Variants in KDM5B observed in about 807,000 individuals in gnomAD.
The protein encoded by KDM5B is lysine-specific demethylase 5B.
A neutral mutation model predicts 193.4 loss-of-function variants in KDM5B; 144 were observed. That is an observed-to-expected ratio of 0.74 (90% CI 0.65 to 0.86). The LOEUF (loss-of-function observed/expected upper bound fraction) is 0.86. Among genes scored for constraint, KDM5B ranks in the 40% least tolerant of loss-of-function variants. The pLI is 0.00. For synonymous variants in KDM5B, 668 were observed against 682.6 expected (o/e 0.98, Z 0.33); for missense variants, 1,833 against 1,886.9 (o/e 0.97, Z 0.53).
chr1:202,740,869 T>C, intron 19 of KDM5B, 57 bp from the exon 20 acceptor site: 1 of 1,521,284 alleles, frequency 6.6e-7, no homozygotes. Context: ...ATTTTTCTTA[T>C]GGTTACCAAA....
At chr1:202,794,303 G>T (rs1290848014) in intron 1 of KDM5B, among the ~76,000 whole-genome samples, 1 of 152,206 alleles carries the variant, frequency 6.6e-6, no homozygotes, top group Non-Finnish European at 1.5e-5. Flanking sequence ...GGGCTTGATA[G>T]GGATTTGTTC....
intron 9 of KDM5B, among the ~76,000 whole-genome samples, chr1:202,757,990 T>G (rs979575140): frequency 6.6e-6 from 1 of 152,166 alleles, no homozygotes; most frequent in Admixed American, 6.5e-5. Context: ...ATCCTGAAAT[T>G]TATAATACTA....
intron 14 of KDM5B, among the ~76,000 whole-genome samples, chr1:202,747,457 T>C (rs1027999162): frequency 6.6e-6 from 1 of 152,020 alleles, no homozygotes; most frequent in Non-Finnish European, 1.5e-5. Flanking sequence ...TGGGCACTAT[T>C]TTCCCCCAAC....
chr1:202,758,711 T>G (rs1479748141), intron 8 of KDM5B, among the ~76,000 whole-genome samples: 1 of 152,226 alleles, frequency 6.6e-6, no homozygotes, highest in Non-Finnish European at 1.5e-5. Flanking sequence ...TATTTGCTAA[T>G]GAGCAAATAA....
At chr1:202,768,819 G>C (rs2363763) in intron 4 of KDM5B, among the ~76,000 whole-genome samples, 1 of 149,102 alleles carries the variant, frequency 6.7e-6, no homozygotes, top group Admixed American at 6.7e-5. Flanking sequence ...CCAGGTTCAA[G>C]CAATTCTCCT....
intron 3 of KDM5B, among the ~76,000 whole-genome samples, chr1:202,773,978 C>A (rs953049278): frequency 6.6e-6 from 1 of 152,036 alleles, no homozygotes; most frequent in African/African-American, 2.4e-5. Flanking sequence ...CTCAGGTGAT[C>A]CACCCACCTC....
Position 202,728,972 on chromosome 1 carries a change from G to GA in KDM5B, c.*63dup. ...CAGTCCTGTAGCTTTGCTGAGATTT[G>GA]AAGAAATCCTCTTGGTTGGAGTCCT... On this transcript the variant is annotated 3_prime_UTR_variant, in exon 27 of 27. Transcript: ENST00000367265. The GA allele has an allele frequency of 2.5e-6, 4 of 1,601,200 alleles. No homozygotes were observed. The South Asian group carries it at 3.3e-5, about 13-fold the overall frequency.
chr1:202,739,868 C>T (rs1460633558), intron 20 of KDM5B, among the ~76,000 whole-genome samples: 1 of 152,226 alleles, frequency 6.6e-6, no homozygotes, highest in African/African-American at 2.4e-5. Flanking sequence ...TCTCCCATGT[C>T]TACTTCTTTC....
At chr1:202,779,078 A>C (rs1657087381) in intron 1 of KDM5B, among the ~76,000 whole-genome samples, 1 of 152,206 alleles carries the variant, frequency 6.6e-6, no homozygotes, top group African/African-American at 2.4e-5. Context: ...GGTTATAGGT[A>C]ATTTTACATC....
At chr1:202,733,362 G>T (rs1243084965) in intron 23 of KDM5B, 39 bp downstream of exon 23, 1 of 1,594,350 alleles carries the variant, frequency 6.3e-7, no homozygotes. Flanking sequence ...ACAGAGCTTT[G>T]CAAATTCCAA....
chr1:202,738,781 T>G (rs905202663), intron 20 of KDM5B, among the ~76,000 whole-genome samples: 2 of 152,198 alleles, frequency 1.3e-5, no homozygotes, highest in Non-Finnish European at 2.9e-5. Flanking sequence ...CGTTTCAAAT[T>G]AAGTCATTCA....
chr1:202,741,489 G>A lies in KDM5B; in HGVS notation c.2823C>T (p.Leu941=). 6.2e-7 allele frequency: 1 copy of A among 1,614,234 alleles called. No homozygotes were observed. The highest frequency in any genetic ancestry group is 8.5e-7 in the Non-Finnish European group (1 of 1,180,036). ...SSLTLDDMRR[L]IDLGVGLAPY... is the part of the protein sequence containing the mutation. ...GGGCCAGCCCTACCCCTAGGTCTAT[G>A]AGACGTCTCATATCATCTAAAGTAA... is the stretch of plus-strand genomic sequence containing the variant. The change falls in exon 19 of 27, where the codon CTC becomes CTT. Residue 941 remains leucine (L), a synonymous_variant. Transcript: ENST00000367265.
At chr1:202,745,591 A>T (rs76688018) in intron 16 of KDM5B, among the ~76,000 whole-genome samples, 2,419 of 152,308 alleles carry the variant, frequency 0.016, 44 homozygotes, top group Non-Finnish European at 0.021. Context: ...AGACAAAAAT[A>T]AAGGTTTCCT....
chr1:202,804,846 C>G (rs376868446), intron 1 of KDM5B, among the ~76,000 whole-genome samples: 19 of 95,502 alleles, frequency 2.0e-4, no homozygotes, highest in African/African-American at 7.0e-4. Context: ...GCCTGGGCAA[C>G]AAGAGCAAAA....
rs759512772 is a variant in KDM5B at position 202,766,937 on chromosome 1, T to C, written c.700A>G (p.Met234Val). The C allele has an allele frequency of 1.1e-5, 18 of 1,580,098 alleles. No homozygotes were observed. Among genetic ancestry groups the C allele is most frequent in the East Asian group, 2.2e-5 (1 of 44,760 alleles). ...CATGAGGCTCTTACCTCTGCTCTCATGCGTTTTGCTCGTCGGGCTGGGGGG... is the reference window on the plus strand; with the variant it reads ...CATGAGGCTCTTACCTCTGCTCTCACGCGTTTTGCTCGTCGGGCTGGGGGG... ...TCPPARRAKR[M>V]RAEAMNIKIE... The change falls in exon 5 of 27, where the codon ATG becomes GTG. Residue 234 changes from methionine to valine, a missense_variant. Met to Val is a conservative substitution (Grantham distance 21). Around this residue, in one of 3 missense-constraint regions of KDM5B, gnomAD observed 355 missense variants for 374.9 expected, o/e 0.95. Transcript: ENST00000367265.
At chr1:202,786,889 T>C (rs919476361) in intron 1 of KDM5B, among the ~76,000 whole-genome samples, 9 of 152,064 alleles carry the variant, frequency 5.9e-5, no homozygotes, top group African/African-American at 2.2e-4. Flanking sequence ...TTTATAAATA[T>C]ACAAAAAGCT....
At chr1:202,785,090 A>G (rs1657351975) in intron 1 of KDM5B, among the ~76,000 whole-genome samples, 1 of 151,986 alleles carries the variant, frequency 6.6e-6, no homozygotes, top group Non-Finnish European at 1.5e-5. Flanking sequence ...TTTTTTCATT[A>G]AATTGTAAAG....
rs200461181 is a variant in KDM5B, at chr1:202,745,119, C to A, written c.2323+739G>T. ...AATGATGAAAACACATGGATGCATA[C>A]AGGGGAGTAACACGTGAACACATAC... On this transcript the variant is annotated intron_variant, in intron 16 of 26. Transcript: ENST00000367265. Among the ~76,000 whole-genome samples the A allele has an allele frequency of 2.0e-5, 3 of 152,160 alleles. No individual in the cohort carries two copies. The East Asian group carries it at 5.8e-4, about 29-fold the overall frequency.
rs868783506 is a variant in KDM5B, at chr1:202,750,901, A to G, written c.1702-123T>C. 178 of 939,600 alleles carry G rather than the reference A, an allele frequency of 1.9e-4. No homozygotes were observed. In the Middle Eastern group the frequency reaches 4.5e-3, roughly 24 times the overall value. The allele number at this position is 939,600 out of a possible 1,614,324, so 58.2% of individuals were successfully genotyped here. A position where few individuals can be genotyped will look rare whatever the true frequency, so the allele number is the denominator to read the frequency against. ...AGGCAGCTTTCTGAAATTGAGCCAG[A>G]AAAAACAAATTATTATAGTAGAATA... On this transcript the variant is annotated intron_variant, in intron 12 of 26. Transcript: ENST00000367265.
Sources: allele counts gnomAD v4.1 joint callset (sites outside exome capture counted in the v4.1 genomes callset), GRCh38; gene constraint gnomAD v4.1.1; regional missense constraint gnomAD v4.1.1; transcripts MANE v1.5; gene names NCBI Gene and HGNC (gene_info 2026-07-23, HGNC 2026-07-21).